Variants in EYA2 observed in about 807,000 individuals in gnomAD.
The protein encoded by EYA2 is protein phosphatase EYA2.
EYA2 carries 31 observed loss-of-function variants against 69.2 expected under a neutral mutation model. The ratio of observed to expected loss-of-function variants is 0.45; its 90% CI spans 0.34 to 0.60. The LOEUF (loss-of-function observed/expected upper bound fraction) is 0.60, where lower values mean the gene tolerates loss of function less well. Ranked by LOEUF, EYA2 falls within the 20% of genes least tolerant of loss-of-function variation. The probability of loss-of-function intolerance (pLI) is 0.02; values close to 1 mark genes in which losing one functional copy is unlikely to be tolerated. For synonymous variants in EYA2, 257 were observed against 279.4 expected (o/e 0.92, Z 0.80); for missense variants, 622 against 701.2 (o/e 0.89, Z 1.28).
chr20:47,145,335 G>A (rs1018249829), intron 10 of EYA2, among the ~76,000 whole-genome samples: 4 of 152,106 alleles, frequency 2.6e-5, no homozygotes, highest in South Asian at 2.1e-4. Flanking sequence ...GCAGTGGGGC[G>A]GGGACAGCAA....
intron 1 of EYA2, among the ~76,000 whole-genome samples, chr20:46,966,247 A>G (rs1979773469): frequency 6.6e-6 from 1 of 152,100 alleles, no homozygotes; most frequent in South Asian, 2.1e-4. Context: ...TCCGCATCCC[A>G]AAGTGCTGGG....
chr20:47,125,493 A>G (rs1600726615), intron 9 of EYA2, among the ~76,000 whole-genome samples: 1 of 152,102 alleles, frequency 6.6e-6, no homozygotes, highest in South Asian at 2.1e-4. Flanking sequence ...CTTTATCAGC[A>G]TCATTTTCTT....
chr20:47,062,716 A>G (rs1036829105), intron 5 of EYA2, among the ~76,000 whole-genome samples: 1 of 152,164 alleles, frequency 6.6e-6, no homozygotes, highest in African/African-American at 2.4e-5. Flanking sequence ...CCCTCTGTCC[A>G]GAAGAGCCTT....
chr20:47,152,810 CA>C (rs1374007225), intron 10 of EYA2, among the ~76,000 whole-genome samples: 169 of 76,400 alleles, frequency 2.2e-3, no homozygotes, highest in Admixed American at 2.2e-3. Flanking sequence ...GACTCAGTCT[CA>C]AAAAAAAAAA....
At chr20:47,023,733 GT>G (rs1983912540) in intron 5 of EYA2, among the ~76,000 whole-genome samples, 1 of 144,800 alleles carries the variant, frequency 6.9e-6, no homozygotes. Flanking sequence ...TGCCTCCAGG[GT>G]TCAAGCGATT....
intron 9 of EYA2, among the ~76,000 whole-genome samples, chr20:47,119,962 C>CT (rs1249464973): frequency 1.3e-5 from 2 of 152,110 alleles, no homozygotes; most frequent in African/African-American, 2.4e-5. Context: ...AATCCCAGCA[C>CT]TTTGGGAGGC....
At chr20:47,087,152 T>C (rs1240839877) in intron 7 of EYA2, among the ~76,000 whole-genome samples, 2 of 152,326 alleles carry the variant, frequency 1.3e-5, no homozygotes, top group South Asian at 2.1e-4. Context: ...TCTTGTCTTA[T>C]TATGTCCTTA....
At position 47,074,198 on chromosome 20, in the gene EYA2, C is replaced by T. The variant is rs991612630; in HGVS notation, c.524C>T (p.Pro175Leu). 29 of 1,613,674 alleles carry T rather than the reference C, an allele frequency of 1.8e-5. No individual in the cohort carries two copies. Among genetic ancestry groups the T allele is most frequent in the African/African-American group, 2.7e-5 (2 of 74,918 alleles). Residue 175 changes from proline to leucine, a missense_variant, in exon 7 of 16, where the codon CCC (proline) becomes CTC (leucine). Transcript: ENST00000327619. Reference protein sequence around the residue: ...SYPGFPQSQYPQYYGSSYNPP... With the variant: ...SYPGFPQSQYLQYYGSSYNPP... ...CCCGGCTTCCCCCAGAGCCAGTACC[C>T]CCAGTATTACGGCTCATCCTACAAC...
chr20:47,119,409 AT>A (rs1349390192), intron 9 of EYA2, among the ~76,000 whole-genome samples: 1 of 152,214 alleles, frequency 6.6e-6, no homozygotes, highest in Non-Finnish European at 1.5e-5. Flanking sequence ...CAAAGCAGAA[AT>A]ATGCAGTCTC....
intron 1 of EYA2, among the ~76,000 whole-genome samples, chr20:46,918,466 G>T (rs559702884): frequency 4.5e-4 from 68 of 152,024 alleles, no homozygotes; most frequent in African/African-American, 1.5e-3. Context: ...ATGTCACCAC[G>T]CCCGGCTATT....
intron 5 of EYA2, among the ~76,000 whole-genome samples, chr20:47,032,968 C>T (rs1237160437): frequency 2.0e-5 from 3 of 152,198 alleles, no homozygotes; most frequent in Admixed American, 1.3e-4. Flanking sequence ...TTTGTGGCAA[C>T]CAGGGCCCCC....
chr20:46,959,992 G>A (rs78632633), intron 1 of EYA2, among the ~76,000 whole-genome samples: 565 of 152,352 alleles, frequency 3.7e-3, no homozygotes, highest in Non-Finnish European at 6.2e-3. Flanking sequence ...AGAAGGGGTT[G>A]CATGGAAACG....
At chr20:46,949,612 G>A (rs867125757) in intron 1 of EYA2, among the ~76,000 whole-genome samples, 4 of 152,206 alleles carry the variant, frequency 2.6e-5, no homozygotes, top group African/African-American at 9.7e-5. Flanking sequence ...ACCTCAGCCT[G>A]CACATGGAGC....
chr20:47,129,856 C>G (rs2033293226), intron 9 of EYA2, among the ~76,000 whole-genome samples: 1 of 152,168 alleles, frequency 6.6e-6, no homozygotes, highest in Non-Finnish European at 1.5e-5. Flanking sequence ...CAGCAAAGCT[C>G]TGATAAGAAT....
At chr20:46,928,543 T>G (rs1025173139) in intron 1 of EYA2, among the ~76,000 whole-genome samples, 6 of 152,196 alleles carry the variant, frequency 3.9e-5, no homozygotes, top group African/African-American at 1.4e-4. Context: ...CCCAGAAATC[T>G]TAGGCAGCCA....
intron 9 of EYA2, among the ~76,000 whole-genome samples, chr20:47,097,954 C>A (rs2032301620): frequency 6.6e-6 from 1 of 152,118 alleles, no homozygotes; most frequent in Admixed American, 6.5e-5. Flanking sequence ...TGCTTCCACG[C>A]ATGGGTAGGA....
chr20:47,094,798 TG>T (rs2032196350), intron 8 of EYA2, among the ~76,000 whole-genome samples: 1 of 151,944 alleles, frequency 6.6e-6, no homozygotes, highest in African/African-American at 2.4e-5. Flanking sequence ...GGAGGCCAAG[TG>T]GGGAGGATTG....
chr20:47,089,249 C>A lies in EYA2; in HGVS notation c.672C>A (p.Asn224Lys). ...QSSESLAGEY[N>K]THNGPSTPAK... ...CCTTTCTTACGCCAGGTGAATACAA[C>A]ACACACAATGGACCTTCCACACCAG... The change falls in exon 8 of 16, where the codon AAC (asparagine) becomes AAA (lysine). Residue 224 changes from asparagine (N) to lysine (K), a missense_variant. Around this residue, in one of 2 missense-constraint regions of EYA2, gnomAD observed 365 missense variants for 349.7 expected, o/e 1.04. Coordinates refer to ENST00000327619, the MANE Select transcript of EYA2 (RefSeq NM_005244.5). 1.2e-6 allele frequency: 2 copies of A among 1,614,054 alleles called. No individual in the cohort carries two copies. The highest frequency in any genetic ancestry group is 1.7e-6 in the Non-Finnish European group (2 of 1,179,982).
At chr20:47,021,099 C>T (rs141396323) in intron 5 of EYA2, among the ~76,000 whole-genome samples, 4 of 152,226 alleles carry the variant, frequency 2.6e-5, no homozygotes, top group East Asian at 3.9e-4. Context: ...GTGTTTAGAG[C>T]GCACCTGGCA....
Sources: allele counts gnomAD v4.1 joint callset (sites outside exome capture counted in the v4.1 genomes callset), GRCh38; gene constraint gnomAD v4.1.1; regional missense constraint gnomAD v4.1.1; transcripts MANE v1.5; gene names NCBI Gene and HGNC (gene_info 2026-07-23, HGNC 2026-07-21).